The following SMAGP variants were observed in gnomAD, a reference collection of about 807,000 sequenced individuals.
SMAGP encodes the protein small cell adhesion glycoprotein.
A neutral mutation model predicts 10.1 loss-of-function variants in SMAGP; 7 were observed. The ratio of observed to expected loss-of-function variants is 0.70; its 90% confidence interval spans 0.40 to 1.31. The LOEUF is 1.31. Among genes scored for constraint, SMAGP ranks in the 50% most tolerant of loss-of-function variants. The pLI is 0.01. For synonymous variants in SMAGP, 49 were observed against 47.2 expected (o/e 1.04, Z -0.16); for missense variants, 113 against 116.5 (o/e 0.97, Z 0.14).
chr12:51,264,741 G>A (rs1045776032), intron 2 of SMAGP, among the ~76,000 whole-genome samples: 21 of 151,978 alleles, frequency 1.4e-4, no homozygotes, highest in African/African-American at 5.1e-4. Flanking sequence ...AGACCAGCCT[G>A]GGCAACATGG....
Position 51,245,854 on chromosome 12 carries a change from C to G in SMAGP, c.*87G>C. ...TTGCCCACATCAATCAATGCTTCTC[C>G]CTGGCTTCAGAGAAAACTTTCCCAT... is the stretch of plus-strand genomic sequence containing the variant. On this transcript the variant is annotated 3_prime_UTR_variant, in exon 4 of 4. Transcript: ENST00000603798. The G allele has an allele frequency of 6.9e-7, 1 of 1,457,968 alleles. No individual in the cohort carries two copies. The highest frequency in any genetic ancestry group is 1.3e-5 in the South Asian group (1 of 74,200). 90.3% of individuals were successfully genotyped at this position (1,457,968 alleles called of 1,614,324 possible). A position where few individuals can be genotyped will look rare whatever the true frequency, so the allele number is the denominator to read the frequency against.
intron 2 of SMAGP, among the ~76,000 whole-genome samples, chr12:51,252,039 G>T (rs1290829526): frequency 1.3e-5 from 2 of 152,014 alleles, no homozygotes; most frequent in African/African-American, 4.8e-5. Flanking sequence ...GAAGAAAGGT[G>T]CAAAGAAATT....
At chr12:51,258,984 C>CA (rs35000436) in intron 2 of SMAGP, among the ~76,000 whole-genome samples, 696 of 50,982 alleles carry the variant, frequency 0.014, 46 homozygotes, top group African/African-American at 0.041. Context: ...CTGTCTCTAC[C>CA]AAAAAAAAAA....
intron 2 of SMAGP, among the ~76,000 whole-genome samples, chr12:51,267,470 C>G (rs952069394): frequency 1.4e-5 from 2 of 146,808 alleles, no homozygotes; most frequent in African/African-American, 2.5e-5. Flanking sequence ...ACCTATTCCC[C>G]CCCCCCACTC....
chr12:51,247,935 G>A (rs1294325569), intron 2 of SMAGP, among the ~76,000 whole-genome samples: 2 of 152,176 alleles, frequency 1.3e-5, no homozygotes, highest in Non-Finnish European at 2.9e-5. Context: ...AGCCAGAAGC[G>A]ACCCCCCAAG....
chr12:51,264,426 G>C (rs999096734), intron 2 of SMAGP, among the ~76,000 whole-genome samples: 2 of 152,134 alleles, frequency 1.3e-5, no homozygotes, highest in Non-Finnish European at 2.9e-5. Context: ...CAGGCCGGGA[G>C]AGTTGCCTGA....
At chr12:51,246,147 A>T in intron 3 of SMAGP, 28 bp from the exon 4 acceptor site, 2 of 1,611,436 alleles carry the variant, frequency 1.2e-6, no homozygotes, top group Non-Finnish European at 1.7e-6. Flanking sequence ...AAATGTAGAG[A>T]TGTTTCAGGA....
chr12:51,266,796 G>A (rs2137312103), intron 2 of SMAGP, among the ~76,000 whole-genome samples: 1 of 152,160 alleles, frequency 6.6e-6, no homozygotes, highest in Admixed American at 6.6e-5. Context: ...GGCTAAAATG[G>A]TAATACCTGT....
chr12:51,261,347 G>A (rs189395693), intron 2 of SMAGP, among the ~76,000 whole-genome samples: 2 of 151,842 alleles, frequency 1.3e-5, no homozygotes, highest in Admixed American at 6.6e-5. Context: ...TGCCCACCTC[G>A]GCCTCCCAAA....
chr12:51,269,448 G>A, intron 1 of SMAGP, 132 bp from the exon 2 acceptor site: 2 of 662,690 alleles, frequency 3.0e-6, no homozygotes, highest in South Asian at 3.6e-5. Context: ...TCCTCTTCTG[G>A]TTTCCCTGAA....
intron 2 of SMAGP, among the ~76,000 whole-genome samples, chr12:51,256,986 T>C (rs1944891263): frequency 6.6e-6 from 1 of 151,858 alleles, no homozygotes; most frequent in South Asian, 2.1e-4. Flanking sequence ...GAAGTTTTGG[T>C]GAAGTGCTGG....
chr12:51,263,791 G>A (rs183446591), intron 2 of SMAGP, among the ~76,000 whole-genome samples: 51 of 152,298 alleles, frequency 3.3e-4, no homozygotes, highest in African/African-American at 1.2e-3. Flanking sequence ...AACAGGCACA[G>A]TGCCCTGGGC....
chr12:51,255,898 A>G lies in SMAGP; in HGVS notation c.35-9067T>C, dbSNP rs1445414780. On this transcript the variant is annotated intron_variant, in intron 2 of 3. Coordinates refer to ENST00000603798, the MANE Select transcript of SMAGP (RefSeq NM_001031628.2). ...GCAATTTTCCTGCCTCAGACTCCCA[A>G]GTAGCTGGGATTACAGGCATGCACC... 2.6e-5 allele frequency among the ~76,000 whole-genome samples: 4 copies of G among 152,164 alleles called. No individual in the cohort carries two copies. The South Asian group carries it at 8.3e-4, about 32-fold the overall frequency.
At chr12:51,268,878 G>A (rs889799529) in intron 2 of SMAGP, among the ~76,000 whole-genome samples, 2 of 151,902 alleles carry the variant, frequency 1.3e-5, no homozygotes, top group South Asian at 2.1e-4. Flanking sequence ...GAGCCACCAC[G>A]CCCGGCCTCT....
chr12:51,247,912 G>C lies in SMAGP; in HGVS notation c.35-1081C>G, dbSNP rs116853086. Among the ~76,000 whole-genome samples the C allele has an allele frequency of 4.4e-3, 667 of 152,344 alleles. 3 individuals carry two copies. Among genetic ancestry groups the C allele is most frequent in the Middle Eastern group, 0.017 (5 of 294 alleles). ...AGGAAAGTGTGCAGCCGAGGGGCCT[G>C]ATCTAGTCTTCCAGCCAGAAGCGAC... On this transcript the variant is annotated intron_variant, in intron 2 of 3. Coordinates refer to ENST00000603798, the MANE Select transcript of SMAGP (RefSeq NM_001031628.2).
intron 2 of SMAGP, among the ~76,000 whole-genome samples, chr12:51,250,011 A>G (rs1468284842): frequency 1.3e-5 from 2 of 152,074 alleles, no homozygotes; most frequent in Middle Eastern, 6.3e-3. Flanking sequence ...AAATGAGAGA[A>G]CATGTAAACA....
At chr12:51,267,127 TAATAA>T (rs1366214417) in intron 2 of SMAGP, among the ~76,000 whole-genome samples, 1 of 151,960 alleles carries the variant, frequency 6.6e-6, no homozygotes, top group Non-Finnish European at 1.5e-5. Flanking sequence ...AAAATAATAA[TAATAA>T]AATTTAAAAA....
chr12:51,248,900 C>CAAAAAAAAAAAAAAA (rs545881552), intron 2 of SMAGP, among the ~76,000 whole-genome samples: 1 of 95,620 alleles, frequency 1.0e-5, no homozygotes, highest in African/African-American at 4.6e-5. Flanking sequence ...AAAAATACCA[C>CAAAAAAAAAAAAAAA]AAAAAAAAAA....
intron 2 of SMAGP, among the ~76,000 whole-genome samples, chr12:51,251,213 T>A (rs917297302): frequency 6.6e-6 from 1 of 151,940 alleles, no homozygotes; most frequent in Admixed American, 6.6e-5. Flanking sequence ...GCAGGAGGAT[T>A]GCTTGAGGCC....
Sources: allele counts gnomAD v4.1 joint callset (sites outside exome capture counted in the v4.1 genomes callset), GRCh38; gene constraint gnomAD v4.1.1; transcripts MANE v1.5; gene names NCBI Gene and HGNC (gene_info 2026-07-23, HGNC 2026-07-21).